CCND3: variants seen among roughly 807,000 people sequenced by gnomAD.
CCND3 encodes cyclin D3, also known as G1/S-specific cyclin-D3.
Under a neutral mutation model 28.7 loss-of-function variants are expected in CCND3, and 9 were observed. That is an observed-to-expected ratio of 0.31 (90% confidence interval 0.19 to 0.55). CCND3 has a LOEUF of 0.55. Among genes scored for constraint, CCND3 ranks in the 20% least tolerant of loss-of-function variants. The pLI, the probability that CCND3 is intolerant of heterozygous loss-of-function variation, is 0.93. For synonymous variants in CCND3, 164 were observed against 163.9 expected (o/e 1.00, Z 0.00); for missense variants, 315 against 385.8 (o/e 0.82, Z 1.54).
intron 1 of CCND3, among the ~76,000 whole-genome samples, chr6:41,997,546 C>A (rs764343253): frequency 2.0e-5 from 3 of 152,012 alleles, no homozygotes; most frequent in Admixed American, 6.6e-5. Context: ...GAGGCCATTA[C>A]AATAAATTTT....
chr6:41,949,571 C>T (rs1385794704), intron 1 of CCND3, among the ~76,000 whole-genome samples: 2 of 149,738 alleles, frequency 1.3e-5, no homozygotes, highest in Non-Finnish European at 3.0e-5. Context: ...TGGGAGGCGG[C>T]GACAGAGCGA....
rs1354179801 is a variant in CCND3 at position 41,936,492 on chromosome 6, C to T, written c.711+67G>A. 3.2e-6 allele frequency: 5 copies of T among 1,573,192 alleles called. No individual in the cohort carries two copies. The Admixed American group carries it at 7.0e-5, about 22-fold the overall frequency. On this transcript the variant is annotated intron_variant, in intron 4 of 4. Coordinates refer to ENST00000372991, the MANE Select transcript of CCND3 (RefSeq NM_001760.5). The surrounding 1 kb of genome is among the most constrained non-coding windows in gnomAD (Gnocchi z 4.4). ...GGTTGGGGTTGGAGGTTTCCCTCTA[C>T]TGGAGGCTCAGGGCATAGCACTACT...
At chr6:42,043,151 T>C (rs1206323324) in intron 1 of CCND3, among the ~76,000 whole-genome samples, 1 of 152,192 alleles carries the variant, frequency 6.6e-6, no homozygotes, top group Non-Finnish European at 1.5e-5. Flanking sequence ...TTCAGCACTT[T>C]GGGAGGCCGA....
At chr6:41,966,727 C>G (rs1761896595) in intron 1 of CCND3, among the ~76,000 whole-genome samples, 1 of 152,128 alleles carries the variant, frequency 6.6e-6, no homozygotes, top group African/African-American at 2.4e-5. Flanking sequence ...TGTGGTTATT[C>G]CCAAATCAAC....
At chr6:41,947,667 T>C (rs577836720) in intron 1 of CCND3, among the ~76,000 whole-genome samples, 1 of 152,338 alleles carries the variant, frequency 6.6e-6, no homozygotes, top group African/African-American at 2.4e-5. Flanking sequence ...CAGTTCTTCC[T>C]TGACCTTACT....
chr6:42,031,245 G>T (rs942247865), intron 1 of CCND3: 1 of 152,234 alleles, frequency 6.6e-6, no homozygotes, highest in African/African-American at 2.4e-5. Flanking sequence ...CCCATCCGTA[G>T]GTTATTGGGG....
Position 41,994,253 on chromosome 6 carries a change from T to C in CCND3, c.-45-53668A>G, listed in dbSNP as rs75810768. Among the ~76,000 whole-genome samples, 220 of 152,094 alleles carry C rather than the reference T, an allele frequency of 1.4e-3. 5 individuals carry two copies. The East Asian group carries it at 0.024, about 17-fold the overall frequency. The stretch of plus-strand genomic sequence containing the variant: ...ATACAGGTTTGTAGCTTAGGAGCAA[T>C]AGGCTATCCCATATAGTCTAGGGGT... On this transcript the variant is annotated intron_variant, in intron 1 of 4. Coordinates refer to the CCND3 transcript ENST00000372988.
At position 41,937,343 on chromosome 6, in the gene CCND3, TCA is replaced by T. The variant is rs753300223; in HGVS notation, c.464_465del (p.Val155AspfsTer4). On this transcript the variant is annotated frameshift_variant, in exon 3 of 5. Transcript: ENST00000372991. LOFTEE classifies it high-confidence loss of function. ...LGKLKWDLAA[V>X]IAHDFLAFIL... ...ATGAAGGCCAGGAAATCATGTGCAA[TCA>T]CAGCAGCCAGGTCCCACTTGAGCTT... 1 of 1,613,990 alleles carries T rather than the reference TCA, an allele frequency of 6.2e-7. No homozygotes were observed. Among genetic ancestry groups the T allele is most frequent in the Non-Finnish European group, 8.5e-7 (1 of 1,179,998 alleles).
At position 41,941,051 on chromosome 6, in the gene CCND3, A is replaced by C. The variant is rs1775995433; in HGVS notation, c.198+401T>G. Reference sequence around the variant, plus strand: ...CGCCACCCCCATCGCCTTCCCCGCCAGAACCCCGCGAAAGACACAGGAACC... The same window carrying C: ...CGCCACCCCCATCGCCTTCCCCGCCCGAACCCCGCGAAAGACACAGGAACC... On this transcript the variant is annotated intron_variant, in intron 1 of 4. Transcript: ENST00000372991. This position sits in a 1 kb window ranked among gnomAD's most constrained non-coding sequence, Gnocchi z 6.1. 3 of 1,595,056 alleles carry C rather than the reference A, an allele frequency of 1.9e-6. No homozygotes were observed. The highest frequency in any genetic ancestry group is 2.7e-5 in the African/African-American group (2 of 74,408).
intron 1 of CCND3, among the ~76,000 whole-genome samples, chr6:41,988,096 A>G (rs1762539091): frequency 1.3e-5 from 2 of 151,818 alleles, no homozygotes; most frequent in African/African-American, 2.4e-5. Flanking sequence ...CAGGCGGATC[A>G]CCTGAGGTCA....
At chr6:41,959,792 C>T (rs1422885549) in intron 1 of CCND3, among the ~76,000 whole-genome samples, 1 of 151,554 alleles carries the variant, frequency 6.6e-6, no homozygotes, top group South Asian at 2.1e-4. Context: ...CCTATCTCTA[C>T]TAAAAATACA....
intron 1 of CCND3, among the ~76,000 whole-genome samples, chr6:42,032,889 T>C (rs967172480): frequency 4.6e-5 from 7 of 152,222 alleles, no homozygotes; most frequent in Non-Finnish European, 1.0e-4. Flanking sequence ...GTTCTGCAGC[T>C]TTCCTAGTGA....
intron 1 of CCND3, among the ~76,000 whole-genome samples, chr6:41,993,118 G>A (rs1038083030): frequency 3.3e-5 from 5 of 151,960 alleles, no homozygotes; most frequent in African/African-American, 1.2e-4. Flanking sequence ...GCTTAAAATG[G>A]TCTTGAACTC....
At chr6:41,994,878 G>A (rs1027528261) in intron 1 of CCND3, among the ~76,000 whole-genome samples, 4 of 151,900 alleles carry the variant, frequency 2.6e-5, no homozygotes, top group Non-Finnish European at 5.9e-5. Context: ...TCCAGACCAG[G>A]CTGGCCAACA....
intron 1 of CCND3, among the ~76,000 whole-genome samples, chr6:42,032,584 A>G (rs1213052851): frequency 6.6e-6 from 1 of 152,258 alleles, no homozygotes; most frequent in Non-Finnish European, 1.5e-5. Flanking sequence ...TGCCATGTTA[A>G]GTATACCACT....
chr6:42,028,493 CCGTTGCCACACTGTCGGCTG>C (rs1308321168), intron 1 of CCND3, among the ~76,000 whole-genome samples: 2 of 152,364 alleles, frequency 1.3e-5, no homozygotes, highest in Admixed American at 6.5e-5. Context: ...ACCACGGTCA[CCGTTGCCACACTGTCGGCTG>C]CTATTTCTTG....
intron 1 of CCND3, among the ~76,000 whole-genome samples, chr6:41,966,008 CTTAA>C (rs1761876000): frequency 6.6e-6 from 1 of 152,122 alleles, no homozygotes. Context: ...AGACTGAGAG[CTTAA>C]TTAAAATATG....
At chr6:42,010,533 C>G (rs550420355) in intron 1 of CCND3, among the ~76,000 whole-genome samples, 10 of 152,094 alleles carry the variant, frequency 6.6e-5, no homozygotes, top group Non-Finnish European at 1.2e-4. Context: ...ACACCAAGCC[C>G]GACAGTAAAT....
chr6:42,003,525 CAAAAAAAA>C (rs61494473), intron 1 of CCND3, among the ~76,000 whole-genome samples: 86 of 73,366 alleles, frequency 1.2e-3, no homozygotes, highest in African/African-American at 4.1e-3. Flanking sequence ...GACTCTGTCT[CAAAAAAAA>C]AAAAAAAAAA....
Sources: gnomAD v4.1 joint callset for allele counts (sites outside exome capture counted in the v4.1 genomes callset) on GRCh38, gnomAD v4.1.1 for gene constraint, Gnocchi (gnomAD v3.1) non-coding constraint, MANE v1.5 for transcripts, NCBI Gene and HGNC (gene_info 2026-07-23, HGNC 2026-07-21) for gene names.